Variants in SETDB1 observed in about 807,000 individuals in gnomAD.
The protein encoded by SETDB1 is histone-lysine N-methyltransferase SETDB1.
A neutral mutation model predicts 137.4 loss-of-function variants in SETDB1; 31 were observed. The ratio of observed to expected loss-of-function variants is 0.23; its 90% CI spans 0.17 to 0.30. The LOEUF is 0.30. Among genes scored for constraint, SETDB1 ranks in the 10% least tolerant of loss-of-function variants. The pLI is 1.00. For synonymous variants in SETDB1, 548 were observed against 579.9 expected (o/e 0.95, Z 0.79); for missense variants, 1,113 against 1,631.5 (o/e 0.68, Z 5.47).
chr1:150,951,012 T>G lies in SETDB1; in HGVS notation c.2138T>G (p.Ile713Ser), dbSNP rs1298393816. 6.2e-7 allele frequency: 1 copy of G among 1,614,130 alleles called. No homozygotes were observed. The highest frequency in any genetic ancestry group is 8.5e-7 in the Non-Finnish European group (1 of 1,180,020). ...CAGGTGGCCTACAGCAAGGAACGTATCCCGGGCAAGGGTGTTTTCATTAAC... is the reference window on the plus strand; with the variant it reads ...CAGGTGGCCTACAGCAAGGAACGTAGCCCGGGCAAGGGTGTTTTCATTAAC... ...PPQVAYSKER[I>S]PGKGVFINTG... is the part of the protein sequence containing the mutation. The change falls in exon 13 of 22, where the codon ATC becomes AGC. Residue 713 changes from isoleucine to serine, a missense_variant. Transcript: ENST00000692827.
At chr1:150,944,749 A>G (rs587679253) in intron 8 of SETDB1, among the ~76,000 whole-genome samples, 169 bp from the exon 9 acceptor site, 2 of 152,308 alleles carry the variant, frequency 1.3e-5, no homozygotes, top group South Asian at 4.1e-4. Context: ...TACAGTTTGT[A>G]CATTAGGTTT....
At chr1:150,934,519 A>G (rs34207591) in intron 3 of SETDB1, among the ~76,000 whole-genome samples, 8,824 of 152,048 alleles carry the variant, frequency 0.058, 353 homozygotes, top group East Asian at 0.099. Flanking sequence ...GCATACTTCT[A>G]CTTTCACTCT....
At chr1:150,931,629 TAAAAAATAA>T (rs988108367) in intron 3 of SETDB1, among the ~76,000 whole-genome samples, 14 of 66,358 alleles carry the variant, frequency 2.1e-4, no homozygotes, top group African/African-American at 8.2e-4. Flanking sequence ...AATTAAAAAA[TAAAAAATAA>T]AAAAAATAAA....
rs763116732 is a variant in SETDB1, at chr1:150,946,866, C to T, written c.1141-20C>T. The T allele has an allele frequency of 2.5e-6, 4 of 1,613,768 alleles. No homozygotes were observed. The highest frequency in any genetic ancestry group is 2.2e-5 in the South Asian group (2 of 91,038). On this transcript the variant is annotated intron_variant, in intron 9 of 21. Transcript: ENST00000692827. ...AGCCTTTAAGCTATTTCCCTTCATT[C>T]TTTTCTCTCAATTCCCCAGGATGAC...
intron 4 of SETDB1, 105 bp downstream of exon 4, chr1:150,940,079 AC>A (rs1670085372): frequency 1.3e-6 from 1 of 769,484 alleles, no homozygotes; most frequent in African/African-American, 1.7e-5. Context: ...CTAATCATTC[AC>A]CCTGTGATCA....
intron 14 of SETDB1, among the ~76,000 whole-genome samples, chr1:150,957,757 G>A (rs772356407): frequency 9.9e-5 from 15 of 152,062 alleles, no homozygotes; most frequent in South Asian, 2.1e-4. Flanking sequence ...AGGCTGGAGC[G>A]CAGTGGTATG....
intron 2 of SETDB1, chr1:150,928,282 A>C (rs587769506): frequency 2.8e-5 from 9 of 321,338 alleles, no homozygotes; most frequent in Non-Finnish European, 1.8e-5. Context: ...TGTGTACCAA[A>C]CATTTTATAC....
At chr1:150,927,666 TA>T in intron 1 of SETDB1, 37 bp from the exon 2 acceptor site, 2 of 1,588,858 alleles carry the variant, frequency 1.3e-6, no homozygotes, top group African/African-American at 1.3e-5. Flanking sequence ...ATTGTAGTTA[TA>T]AGGACTCCAA....
chr1:150,960,766 AATG>A lies in SETDB1; in HGVS notation c.2713_2715del (p.Asp905del), dbSNP rs1558026844. ...CGGTACAGAGGACCCTGAAGAGTCCAATGATGATAGCTCAGATGATAACTTCTG... is the reference window on the plus strand; with the variant it reads ...CGGTACAGAGGACCCTGAAGAGTCCAATGATAGCTCAGATGATAACTTCTG... On this transcript the variant is annotated inframe_deletion, in exon 16 of 22. Transcript: ENST00000692827. The A allele has an allele frequency of 2.5e-6, 4 of 1,611,064 alleles. No homozygotes were observed. The highest frequency in any genetic ancestry group is 3.4e-6 in the Non-Finnish European group (4 of 1,178,486).
At chr1:150,956,324 T>C (rs998855194) in intron 14 of SETDB1, among the ~76,000 whole-genome samples, 6 of 150,804 alleles carry the variant, frequency 4.0e-5, no homozygotes, top group African/African-American at 1.5e-4. Flanking sequence ...AGGTGGAGGT[T>C]GCAGTGAGCC....
In SETDB1 at chr1:150,933,523, C is replaced by T. The variant is rs141399424; in HGVS notation, c.412+3405C>T. 3.9e-3 allele frequency among the ~76,000 whole-genome samples: 598 copies of T among 151,434 alleles called. 4 individuals carry two copies. Among genetic ancestry groups the T allele is most frequent in the Non-Finnish European group, 6.8e-3 (460 of 67,832 alleles). On this transcript the variant is annotated intron_variant, in intron 3 of 21. Coordinates refer to ENST00000692827, the MANE Select transcript of SETDB1 (RefSeq NM_001366418.1). ...TCCTGAGTAGCTGGGACCACAGGCA[C>T]GCGCCATCACACCCAGCTAATTTTT...
Position 150,949,270 on chromosome 1 carries a change from T to C in SETDB1, c.1416T>C (p.Gly472=), listed in dbSNP as rs778380107. Residue 472 remains glycine, a synonymous_variant, in exon 11 of 22, where the codon GGT becomes GGC. Transcript: ENST00000692827. ...CTCCACCTCTATCCCCCCAAGCAGGTGACAGTGAGTGAGTGTTATTCTTTC... is the reference window on the plus strand; with the variant it reads ...CTCCACCTCTATCCCCCCAAGCAGGCGACAGTGAGTGAGTGTTATTCTTTC... ...PPAPPLSPQA[G]DSESLESQLA... The C allele has an allele frequency of 2.5e-5, 41 of 1,613,630 alleles. No individual in the cohort carries two copies. The highest frequency in any genetic ancestry group is 3.1e-5 in the Non-Finnish European group (36 of 1,179,868).
At position 150,940,913 on chromosome 1, in the gene SETDB1, G is replaced by T. The variant is rs184223894; in HGVS notation, c.448-416G>T. On this transcript the variant is annotated intron_variant, in intron 4 of 21. Transcript: ENST00000692827. ...CTTTGGAGGTTGAGACAGGTGAATC[G>T]CTTGAACCCGAGAGGCAGAGGTTGC... Among the ~76,000 whole-genome samples the T allele has an allele frequency of 4.8e-3, 724 of 151,826 alleles. 28 individuals are homozygous for T. Among genetic ancestry groups the T allele is most frequent in the Admixed American group, 0.042 (642 of 15,216 alleles).
intron 4 of SETDB1, among the ~76,000 whole-genome samples, chr1:150,940,903 C>T (rs879602433): frequency 6.6e-6 from 1 of 151,630 alleles, no homozygotes; most frequent in Admixed American, 6.6e-5. Context: ...GAGGTTGAGA[C>T]AGGTGAATCG....
At chr1:150,955,938 A>G (rs1204354785) in intron 14 of SETDB1, among the ~76,000 whole-genome samples, 1 of 151,944 alleles carries the variant, frequency 6.6e-6, no homozygotes, top group African/African-American at 2.4e-5. Context: ...ATAAAGTATA[A>G]AAAATTAGCC....
chr1:150,951,039 C>G lies in SETDB1; in HGVS notation c.2165C>G (p.Thr722Arg). 1 of 1,613,634 alleles carries G rather than the reference C, an allele frequency of 6.2e-7. No homozygotes were observed. The highest frequency in any genetic ancestry group is 8.5e-7 in the Non-Finnish European group (1 of 1,179,548). The change falls in exon 13 of 22, where the codon ACA becomes AGA. Residue 722 changes from threonine to arginine, a missense_variant. Thr to Arg is a moderately conservative substitution (Grantham distance 71). Transcript: ENST00000692827. ...CCGGGCAAGGGTGTTTTCATTAACA[C>G]AGGCCCTGAATTTCTGGTTGGCTGT... Reference protein sequence around the residue: ...RIPGKGVFINTGPEFLVGCDC... With the variant: ...RIPGKGVFINRGPEFLVGCDC...
At chr1:150,941,617 C>T (rs587703599) in intron 5 of SETDB1, among the ~76,000 whole-genome samples, 189 bp downstream of exon 5, 1 of 152,160 alleles carries the variant, frequency 6.6e-6, no homozygotes, top group African/African-American at 2.4e-5. Flanking sequence ...TCTTTAGCGT[C>T]CTACATTTAG....
chr1:150,929,343 A>G (rs1334682816), intron 2 of SETDB1, among the ~76,000 whole-genome samples: 1 of 151,796 alleles, frequency 6.6e-6, no homozygotes, highest in Non-Finnish European at 1.5e-5. Context: ...TCTGATGGCC[A>G]CTGATAATGA....
In SETDB1 at chr1:150,927,876, A is replaced by C. The variant is rs587643423; in HGVS notation, c.162A>C (p.Val54=). 27 of 1,614,206 alleles carry C rather than the reference A, an allele frequency of 1.7e-5. No homozygotes were observed. In the East Asian group the frequency reaches 5.6e-4, roughly 33 times the overall value. The part of the protein sequence containing the change: ...IDEELEKMDC[V]QQRKKQLAEL... ...AGGAACTGGAGAAGATGGATTGTGT[A>C]CAGCAACGCAAGAAGCAGCTAGCAG... Residue 54 remains valine (V), a synonymous_variant, in exon 2 of 22, where the codon GTA becomes GTC. Coordinates refer to ENST00000692827, the MANE Select transcript of SETDB1 (RefSeq NM_001366418.1).
Sources: gnomAD v4.1 joint callset for allele counts (sites outside exome capture counted in the v4.1 genomes callset) on GRCh38, gnomAD v4.1.1 for gene constraint, MANE v1.5 for transcripts, NCBI Gene and HGNC (gene_info 2026-07-23, HGNC 2026-07-21) for gene names.